RIMS2: variants seen among roughly 807,000 people sequenced by gnomAD.
RIMS2 encodes regulating synaptic membrane exocytosis 2.
In RIMS2, 59 loss-of-function variants were observed where a neutral mutation model predicts 174.4. The observed-to-expected ratio is 0.34, with a 90% confidence interval of 0.27 to 0.42. The LOEUF is 0.42. Ranked by LOEUF, RIMS2 falls within the 10% of genes least tolerant of loss-of-function variation. The pLI is 1.00. For missense variants in RIMS2, 1,620 were observed against 1,666.3 expected, an observed-to-expected ratio of 0.97 and a Z score of 0.48; for synonymous variants, 606 against 572.5, an observed-to-expected ratio of 1.06 and a Z score of -0.84.
chr8:103,530,078 A>G (rs961304175), intron 1 of RIMS2, among the ~76,000 whole-genome samples: 1 of 152,222 alleles, frequency 6.6e-6, no homozygotes, highest in African/African-American at 2.4e-5. Flanking sequence ...AAAACAAAAT[A>G]TCTTAGTGCG....
chr8:103,728,079 C>T (rs1272894690), intron 2 of RIMS2, among the ~76,000 whole-genome samples: 1 of 151,988 alleles, frequency 6.6e-6, no homozygotes, highest in Admixed American at 6.6e-5. Flanking sequence ...CATGGAATAT[C>T]TTTTCATTTT....
At chr8:104,227,293 A>G (rs940145755) in intron 19 of RIMS2, among the ~76,000 whole-genome samples, 4 of 112,534 alleles carry the variant, frequency 3.6e-5, no homozygotes, top group Non-Finnish European at 5.3e-5. Flanking sequence ...TTTTTTTTTT[A>G]AGTGAAAGTA....
At chr8:104,175,940 C>T (rs115102616) in intron 19 of RIMS2, among the ~76,000 whole-genome samples, 1,756 of 152,196 alleles carry the variant, frequency 0.012, 31 homozygotes, top group African/African-American at 0.04. Context: ...GTATAATTCT[C>T]TTCATGTTAG....
At chr8:104,086,684 C>T (rs905630763) in intron 19 of RIMS2, among the ~76,000 whole-genome samples, 4 of 152,050 alleles carry the variant, frequency 2.6e-5, no homozygotes, top group African/African-American at 7.2e-5. Context: ...ACCCTTTCTT[C>T]GACTACCGCT....
intron 19 of RIMS2, among the ~76,000 whole-genome samples, chr8:104,218,250 C>T (rs1239815689): frequency 1.3e-5 from 2 of 152,152 alleles, no homozygotes; most frequent in African/African-American, 2.4e-5. Context: ...AGTAGGCATT[C>T]GTTTTTCTAC....
chr8:103,946,878 A>G (rs1266756426), intron 14 of RIMS2, among the ~76,000 whole-genome samples: 5 of 152,216 alleles, frequency 3.3e-5, no homozygotes, highest in Non-Finnish European at 7.3e-5. Flanking sequence ...GCAGTGGTGT[A>G]ATACTGACAT....
chr8:103,731,289 G>C (rs2097590801), intron 2 of RIMS2, among the ~76,000 whole-genome samples: 1 of 152,110 alleles, frequency 6.6e-6, no homozygotes, highest in Non-Finnish European at 1.5e-5. Flanking sequence ...CTGTTTCCTA[G>C]TCTATAAGGT....
intron 19 of RIMS2, among the ~76,000 whole-genome samples, chr8:104,182,308 TTTAA>T (rs779421280): frequency 2.6e-5 from 4 of 151,832 alleles, no homozygotes; most frequent in Non-Finnish European, 4.4e-5. Flanking sequence ...TATAATACAA[TTTAA>T]TTAACATTGT....
At chr8:103,687,389 T>G (rs1157563596) in intron 1 of RIMS2, among the ~76,000 whole-genome samples, 1 of 152,078 alleles carries the variant, frequency 6.6e-6, no homozygotes, top group Admixed American at 6.6e-5. Flanking sequence ...TAAATGCTTT[T>G]TTAATTTTTA....
rs188606799 is a variant in RIMS2, at chr8:104,109,063, C to T, written c.3334+94448C>T. On this transcript the variant is annotated intron_variant, in intron 19 of 23. Transcript: ENST00000504942. ...CTGTAATCCCAGCACTTTGGGAGGC[C>T]GAGGCGGACAGATCAATAGGTCAGG... Among the ~76,000 whole-genome samples, 144 of 151,932 alleles carry T rather than the reference C, an allele frequency of 9.5e-4. 1 individual carries two copies. Among genetic ancestry groups the T allele is most frequent in the African/African-American group, 3.4e-3 (142 of 41,444 alleles).
intron 19 of RIMS2, among the ~76,000 whole-genome samples, chr8:104,072,319 A>G (rs1186912052): frequency 2.0e-5 from 3 of 152,118 alleles, no homozygotes; most frequent in Non-Finnish European, 2.9e-5. Flanking sequence ...TTTAGCTTAT[A>G]TTTACATTCT....
At chr8:103,896,313 A>G (rs1375214439) in intron 4 of RIMS2, among the ~76,000 whole-genome samples, 6 of 151,636 alleles carry the variant, frequency 4.0e-5, no homozygotes. Flanking sequence ...TGGTTTTCCC[A>G]GCCATCCTCA....
intron 3 of RIMS2, among the ~76,000 whole-genome samples, chr8:103,771,533 A>G (rs1175382315): frequency 6.6e-6 from 1 of 152,134 alleles, no homozygotes; most frequent in East Asian, 1.9e-4. Context: ...TGTATGGTAG[A>G]TGAGAAAGAA....
intron 1 of RIMS2, among the ~76,000 whole-genome samples, chr8:103,576,240 G>T (rs1395277208): frequency 6.6e-6 from 1 of 152,206 alleles, no homozygotes; most frequent in African/African-American, 2.4e-5. Flanking sequence ...GCAAACTTGG[G>T]TTTAATGCAC....
At chr8:103,620,910 TGG>T (rs1025309885) in intron 1 of RIMS2, among the ~76,000 whole-genome samples, 3 of 152,108 alleles carry the variant, frequency 2.0e-5, no homozygotes, top group Non-Finnish European at 4.4e-5. Flanking sequence ...GAAGAATAGG[TGG>T]ATAGAACAAA....
At chr8:103,832,519 T>A (rs2098832121) in intron 3 of RIMS2, among the ~76,000 whole-genome samples, 1 of 152,182 alleles carries the variant, frequency 6.6e-6, no homozygotes, top group Non-Finnish European at 1.5e-5. Context: ...TTTTTTCTGA[T>A]CCTCTCCCTT....
chr8:103,780,821 T>C (rs2098380554), intron 3 of RIMS2, among the ~76,000 whole-genome samples: 2 of 152,198 alleles, frequency 1.3e-5, no homozygotes, highest in Admixed American at 1.3e-4. Flanking sequence ...TGTCTTTGCA[T>C]TGAAAGGTTA....
In RIMS2 at chr8:103,687,898, T is replaced by A. The variant is rs1038094524; in HGVS notation, c.177-9188T>A. 2.6e-3 allele frequency among the ~76,000 whole-genome samples: 387 copies of A among 148,000 alleles called. 1 individual carries two copies. Among genetic ancestry groups the A allele is most frequent in the African/African-American group, 8.9e-3 (357 of 40,068 alleles). On this transcript the variant is annotated intron_variant, in intron 1 of 23. Transcript: ENST00000504942. ...TGTTTATATATACCGCATTTTTTTT[T>A]ATTGATTCATTCACTGATGGATACT...
chr8:104,219,048 A>AT (rs1189416966), intron 19 of RIMS2, among the ~76,000 whole-genome samples: 4 of 152,174 alleles, frequency 2.6e-5, no homozygotes, highest in Non-Finnish European at 5.9e-5. Context: ...AACTCTGGTG[A>AT]TTTTTTAAAA....
Sources: gnomAD v4.1 joint callset for allele counts (sites outside exome capture counted in the v4.1 genomes callset) on GRCh38, gnomAD v4.1.1 for gene constraint, MANE v1.5 for transcripts, NCBI Gene and HGNC (gene_info 2026-07-23, HGNC 2026-07-21) for gene names.